Variants in GIT1 observed in about 807,000 individuals in gnomAD.
GIT1 encodes the protein ARF GTPase-activating protein GIT1.
GIT1 carries 14 observed loss-of-function variants against 91.7 expected under a neutral mutation model. That is an observed-to-expected ratio of 0.15 (90% confidence interval 0.10 to 0.24). The LOEUF is 0.24. Among genes scored for constraint, GIT1 ranks in the 10% least tolerant of loss-of-function variants. GIT1 has a pLI of 1.00. For synonymous variants in GIT1, 414 were observed against 418.2 expected (o/e 0.99, Z 0.12); for missense variants, 717 against 1,024.9 (o/e 0.70, Z 4.10).
At chr17:29,577,804 G>A (rs2033266633) in intron 9 of GIT1, 62 bp from the exon 10 acceptor site, 2 of 991,638 alleles carry the variant, frequency 2.0e-6, no homozygotes, top group Non-Finnish European at 3.3e-6. Context: ...TGGGGGTGGG[G>A]AAGCACTGAG....
At chr17:29,577,623 G>GC in intron 10 of GIT1, 22 bp downstream of exon 10, 1 of 1,493,288 alleles carries the variant, frequency 6.7e-7, no homozygotes, top group Non-Finnish European at 9.3e-7. Flanking sequence ...ACCACCCCAG[G>GC]CCCCCAATCC....
Position 29,577,760 on chromosome 17 carries a change from G to C in GIT1, c.884-18C>G, listed in dbSNP as rs763952949. The C allele has an allele frequency of 6.6e-6, 10 of 1,520,842 alleles. No homozygotes were observed. The allele number at this position is 1,520,842 out of a possible 1,614,324, so 94.2% of individuals were successfully genotyped here. Reference sequence around the variant, plus strand: ...CAGCCACACTGTAGGGGACGGACAGGAGCAGATCAGCCACGGTGGCCAGGC... The same window carrying C: ...CAGCCACACTGTAGGGGACGGACAGCAGCAGATCAGCCACGGTGGCCAGGC... On this transcript the variant is annotated intron_variant, in intron 9 of 19. Transcript: ENST00000225394.
At position 29,578,336 on chromosome 17, in the gene GIT1, G is replaced by T; in HGVS notation, c.846C>A (p.Asp282Glu). The T allele has an allele frequency of 6.2e-7, 1 of 1,614,116 alleles. No homozygotes were observed. The highest frequency in any genetic ancestry group is 1.1e-5 in the South Asian group (1 of 91,086). Residue 282 changes from aspartate to glutamate, a missense_variant, in exon 9 of 20, where the codon GAC (aspartate) becomes GAA (glutamate). Transcript: ENST00000225394. ...CTCTTCGATCCACCTCGTCATACAC[G>T]TCCATGGCGAGTTCCTCAAAAAGCC... ...SNRLFEELAM[D>E]VYDEVDRREN...
rs1410659560 is a variant in GIT1 at position 29,575,772 on chromosome 17, C to T, written c.1752+40G>A. 7.5e-6 allele frequency: 12 copies of T among 1,605,204 alleles called. No individual in the cohort carries two copies. The African/African-American group carries it at 9.4e-5, about 13-fold the overall frequency. ...CCCACACTGCCCCTAGCCCACACGGCCCCCAGCCACCCTGTGGGCACTGGG... is the reference window on the plus strand; with the variant it reads ...CCCACACTGCCCCTAGCCCACACGGTCCCCAGCCACCCTGTGGGCACTGGG... On this transcript the variant is annotated intron_variant, in intron 16 of 19. Coordinates refer to ENST00000225394, the MANE Select transcript of GIT1 (RefSeq NM_014030.4). The surrounding 1 kb of genome is among the most constrained non-coding windows in gnomAD (Gnocchi z 5.5).
chr17:29,576,856 C>G lies in GIT1; in HGVS notation c.1227+7G>C, dbSNP rs1304390262. On this transcript the variant is annotated splice_region_variant and intron_variant, in intron 12 of 19. Transcript: ENST00000225394. Reference sequence around the variant, plus strand: ...CAGGGGAGTGGGAAGGAGGGTGGGACTCAGACCCGGGCCCGGTTGCTCCGA... The same window carrying G: ...CAGGGGAGTGGGAAGGAGGGTGGGAGTCAGACCCGGGCCCGGTTGCTCCGA... 1 of 1,576,108 alleles carries G rather than the reference C, an allele frequency of 6.3e-7. No homozygotes were observed. The highest frequency in any genetic ancestry group is 1.1e-5 in the South Asian group (1 of 87,260).
At chr17:29,579,957 T>C (rs2033343219) in intron 7 of GIT1, among the ~76,000 whole-genome samples, 1 of 152,150 alleles carries the variant, frequency 6.6e-6, no homozygotes, top group South Asian at 2.1e-4. Context: ...GGGCTGCTCA[T>C]TCTCCAGCTC....
chr17:29,578,671 G>A (rs904409230), intron 8 of GIT1, 60 bp downstream of exon 8: 2 of 1,408,400 alleles, frequency 1.4e-6, no homozygotes, highest in African/African-American at 2.8e-5. Flanking sequence ...CAAGAGCAGA[G>A]GGTGGGGGAT....
At chr17:29,578,699 C>T (rs1324484612) in intron 8 of GIT1, 32 bp downstream of exon 8, 1 of 1,597,266 alleles carries the variant, frequency 6.3e-7, no homozygotes, top group Non-Finnish European at 8.6e-7. Context: ...GGGCCAGCTT[C>T]AAGTGTCAGG....
Position 29,581,324 on chromosome 17 carries a change from A to G in GIT1, c.761+14T>C. 1 of 1,603,250 alleles carries G rather than the reference A, an allele frequency of 6.2e-7. No homozygotes were observed. On this transcript the variant is annotated intron_variant, in intron 7 of 19. Transcript: ENST00000225394. The surrounding 1 kb of genome is among the most constrained non-coding windows in gnomAD (Gnocchi z 4.8). Reference sequence around the variant, plus strand: ...CCAACAGCCTCTGGAAAGGGGCATCAGGTGGGCACTCACCTGTCAGCCATC... The same window carrying G: ...CCAACAGCCTCTGGAAAGGGGCATCGGGTGGGCACTCACCTGTCAGCCATC...
intron 1 of GIT1, among the ~76,000 whole-genome samples, chr17:29,588,370 G>A (rs1226060684): frequency 9.9e-5 from 15 of 152,224 alleles, no homozygotes; most frequent in Admixed American, 9.8e-4. Context: ...CTCATCAGAA[G>A]GGAGCAGCCT....
intron 2 of GIT1, 22 bp from the exon 3 acceptor site, chr17:29,583,059 TGA>T (rs755407331): frequency 2.1e-5 from 30 of 1,459,284 alleles, no homozygotes; most frequent in Non-Finnish European, 2.4e-5. Context: ...AGATGCCAAG[TGA>T]GAGAGTGCCC....
intron 1 of GIT1, among the ~76,000 whole-genome samples, chr17:29,588,797 C>G (rs747256047): frequency 6.6e-6 from 1 of 152,218 alleles, no homozygotes; most frequent in Non-Finnish European, 1.5e-5. Flanking sequence ...GGAGTAGCCA[C>G]CGCTCATCTG....
At chr17:29,585,247 G>T (rs2033555572) in intron 1 of GIT1, among the ~76,000 whole-genome samples, 2 of 152,202 alleles carry the variant, frequency 1.3e-5, no homozygotes. Context: ...ACACCACTGG[G>T]TCAGGGGGCT....
Position 29,578,282 on chromosome 17 carries a change from C to T in GIT1, c.883+17G>A. 2 of 1,607,196 alleles carry T rather than the reference C, an allele frequency of 1.2e-6. No individual in the cohort carries two copies. Among genetic ancestry groups the T allele is most frequent in the East Asian group, 2.2e-5 (1 of 44,850 alleles). ...GCTCGGGTCCTCCACGCCAGACACT[C>T]CTGCTCCCTGACTCACCTGCATCAT... On this transcript the variant is annotated intron_variant, in intron 9 of 19. Coordinates refer to ENST00000225394, the MANE Select transcript of GIT1 (RefSeq NM_014030.4).
chr17:29,581,516 G>A lies in GIT1; in HGVS notation c.719-136C>T. 1.3e-6 allele frequency: 1 copy of A among 771,470 alleles called. No individual in the cohort carries two copies. The highest frequency in any genetic ancestry group is 2.3e-6 in the Non-Finnish European group (1 of 443,246). The allele number at this position is 771,470 out of a possible 1,614,324, so 47.8% of individuals were successfully genotyped here. A position where few individuals can be genotyped will look rare whatever the true frequency, so the allele number is the denominator to read the frequency against. ...AGTGGGGAGGGCAGGCCACCCCCAA[G>A]AATGCTGGGAGCTCGTGGGAGGATG... On this transcript the variant is annotated intron_variant, in intron 6 of 19. Transcript: ENST00000225394. The surrounding 1 kb of genome is among the most constrained non-coding windows in gnomAD (Gnocchi z 4.8).
rs538028952 is a variant in GIT1, at chr17:29,574,350, G to A, written c.*352C>T. 4 of 310,636 alleles carry A rather than the reference G, an allele frequency of 1.3e-5. No individual in the cohort carries two copies. The highest frequency in any genetic ancestry group is 3.5e-5 in the South Asian group (1 of 28,268). 19.2% of individuals were successfully genotyped at this position (310,636 alleles called of 1,614,324 possible). A position where few individuals can be genotyped will look rare whatever the true frequency, so the allele number is the denominator to read the frequency against. The stretch of plus-strand genomic sequence containing the variant: ...GCTCATGGGGGTGGGGCGCATGTAC[G>A]GAGAGCTGCCCCACTTGGAGTGTCC... On this transcript the variant is annotated 3_prime_UTR_variant, in exon 20 of 20. Transcript: ENST00000225394.
At chr17:29,583,332 A>G (rs1225931371) in intron 2 of GIT1, 151 bp downstream of exon 2, 10 of 732,366 alleles carry the variant, frequency 1.4e-5, no homozygotes, top group African/African-American at 3.5e-5. Context: ...ATGGGAGGAA[A>G]GGGTCAGGAT....
At position 29,583,567 on chromosome 17, in the gene GIT1, G is replaced by A; in HGVS notation, c.102C>T (p.Cys34=). ...GTCCCAGGCTCCGGTGCACGCTGCA[G>A]CACTCGTCACACACCAGCACACCCC... ...ISRGVLVCDE[C]CSVHRSLGRH... Residue 34 remains cysteine, a synonymous_variant, in exon 2 of 20, where the codon TGC becomes TGT. Coordinates refer to ENST00000225394, the MANE Select transcript of GIT1 (RefSeq NM_014030.4). 1 of 1,609,204 alleles carries A rather than the reference G, an allele frequency of 6.2e-7. No individual in the cohort carries two copies. The highest frequency in any genetic ancestry group is 8.5e-7 in the Non-Finnish European group (1 of 1,178,834).
chr17:29,585,466 C>T (rs992054974), intron 1 of GIT1, among the ~76,000 whole-genome samples: 2 of 152,190 alleles, frequency 1.3e-5, no homozygotes, highest in Non-Finnish European at 2.9e-5. Context: ...AAGCCATGGG[C>T]AGACCAGATG....
Sources: gnomAD v4.1 joint callset for allele counts (sites outside exome capture counted in the v4.1 genomes callset) on GRCh38, gnomAD v4.1.1 for gene constraint, Gnocchi (gnomAD v3.1) non-coding constraint, MANE v1.5 for transcripts, NCBI Gene and HGNC (gene_info 2026-07-23, HGNC 2026-07-21) for gene names.